The following TRPM4 variants were observed in gnomAD, a reference collection of about 807,000 sequenced individuals.
TRPM4 encodes the protein transient receptor potential cation channel subfamily M member 4.
TRPM4 carries 124 observed loss-of-function variants against 135.6 expected under a neutral mutation model. That is an observed-to-expected ratio of 0.91 (90% CI 0.79 to 1.06). The LOEUF (loss-of-function observed/expected upper bound fraction) is 1.06, where lower values mean the gene tolerates loss of function less well. TRPM4 is among the 50% of genes least tolerant of loss of function. The pLI is 0.00. For synonymous variants in TRPM4, 745 were observed against 705.6 expected (o/e 1.06, Z -0.88); for missense variants, 1,658 against 1,671.4 (o/e 0.99, Z 0.14).
rs116468377 is a variant in TRPM4, at chr19:49,170,540, G to A, written c.797-817G>A. 2.7e-3 allele frequency among the ~76,000 whole-genome samples: 407 copies of A among 152,220 alleles called. 4 individuals are homozygous for A. The highest frequency in any genetic ancestry group is 8.6e-3 in the African/African-American group (358 of 41,546). The stretch of plus-strand genomic sequence containing the variant: ...GTCGATATAGTGCTATCTTTATGGT[G>A]CAATTGGATTTTGGTAAATATCTAT... On this transcript the variant is annotated intron_variant, in intron 6 of 24. Transcript: ENST00000252826.
intron 16 of TRPM4, among the ~76,000 whole-genome samples, chr19:49,191,055 G>A (rs573799361): frequency 1.1e-3 from 164 of 152,256 alleles, no homozygotes; most frequent in Middle Eastern, 3.4e-3. Flanking sequence ...GCAGAAGCAG[G>A]AGTAGGGGTG....
In TRPM4 at chr19:49,196,886, G is replaced by A. The variant is rs752387002; in HGVS notation, c.2645+12G>A. ...GGCGTGGGCTGCCGGTGAGTGCCCC[G>A]GGGCCTTGGAACCCTGGCCCCTGGC... On this transcript the variant is annotated intron_variant, in intron 17 of 24. Coordinates refer to ENST00000252826, the MANE Select transcript of TRPM4 (RefSeq NM_017636.4). 4 of 1,566,982 alleles carry A rather than the reference G, an allele frequency of 2.6e-6. No individual in the cohort carries two copies. Among genetic ancestry groups the A allele is most frequent in the Admixed American group, 3.6e-5 (2 of 55,852 alleles).
intron 9 of TRPM4, among the ~76,000 whole-genome samples, chr19:49,178,985 C>G (rs1045559518): frequency 6.6e-6 from 1 of 151,826 alleles, no homozygotes; most frequent in African/African-American, 2.4e-5. Context: ...GTCTCGATCT[C>G]TTGACCTCAT....
rs1478526246 is a variant in TRPM4 at position 49,196,691 on chromosome 19, C to T, written c.2462C>T (p.Ala821Val). 2 of 1,551,278 alleles carry T rather than the reference C, an allele frequency of 1.3e-6. No individual in the cohort carries two copies. The highest frequency in any genetic ancestry group is 3.8e-5 in the Admixed American group (2 of 52,370). Residue 821 changes from alanine to valine, a missense_variant, in exon 17 of 25, where the codon GCT becomes GTT. Physicochemically the swap from Ala to Val is moderately conservative, Grantham distance 64. Coordinates refer to ENST00000252826, the MANE Select transcript of TRPM4 (RefSeq NM_017636.4). Reference sequence around the variant, plus strand: ...CTGGAGCTGCTGCTCTATTTCTGGGCTTTCACGCTGCTGTGCGAGGAACTG... The same window carrying T: ...CTGGAGCTGCTGCTCTATTTCTGGGTTTTCACGCTGCTGTGCGAGGAACTG... ...GSLELLLYFW[A>V]FTLLCEELRQ...
At position 49,202,080 on chromosome 19, in the gene TRPM4, CTCG is replaced by C; in HGVS notation, c.3073_3075del (p.Val1025del). ...TGCCAACTGGCTGGTGGTGCTGCTC[CTCG>C]TCATCTTCCTGCTCGTGGCCAACAT... On this transcript the variant is annotated inframe_deletion, in exon 20 of 25. Transcript: ENST00000252826. The C allele has an allele frequency of 6.2e-7, 1 of 1,614,122 alleles. No individual in the cohort carries two copies. The highest frequency in any genetic ancestry group is 8.5e-7 in the Non-Finnish European group (1 of 1,180,034).
intron 9 of TRPM4, among the ~76,000 whole-genome samples, chr19:49,180,734 C>T (rs1967885327): frequency 6.6e-6 from 1 of 151,914 alleles, no homozygotes; most frequent in Non-Finnish European, 1.5e-5. Flanking sequence ...TCCCTTTAAT[C>T]GCCCATCCAT....
chr19:49,190,079 C>A, intron 14 of TRPM4, 129 bp from the exon 15 acceptor site: 1 of 813,068 alleles, frequency 1.2e-6, no homozygotes, highest in Non-Finnish European at 2.1e-6. Context: ...GTTTCCCTAC[C>A]TCAATAGTTG....
chr19:49,178,798 G>A lies in TRPM4; in HGVS notation c.1151-2551G>A, dbSNP rs868330519. 6.2e-5 allele frequency among the ~76,000 whole-genome samples: 9 copies of A among 144,624 alleles called. No individual in the cohort carries two copies. The South Asian group carries it at 1.9e-3, about 30-fold the overall frequency. The allele number at this position is 144,624 out of a possible 152,430, so 94.9% of individuals were successfully genotyped here. A position where few individuals can be genotyped will look rare whatever the true frequency, so the allele number is the denominator to read the frequency against. On this transcript the variant is annotated intron_variant, in intron 9 of 24. Coordinates refer to ENST00000252826, the MANE Select transcript of TRPM4 (RefSeq NM_017636.4). ...TTTTGAGATGGAGTCTTGCTCTGTC[G>A]TCCAGGCTGGAGTGCAGTGGCACGA...
At chr19:49,183,934 C>T (rs1292594783) in intron 12 of TRPM4, among the ~76,000 whole-genome samples, 1 of 151,418 alleles carries the variant, frequency 6.6e-6, no homozygotes, top group Non-Finnish European at 1.5e-5. Context: ...CCACCACGCC[C>T]AGCTAATTTT....
intron 17 of TRPM4, among the ~76,000 whole-genome samples, chr19:49,199,567 G>A (rs573934342): frequency 1.4e-3 from 216 of 152,030 alleles, no homozygotes; most frequent in Non-Finnish European, 2.2e-3. Flanking sequence ...CCACCCTCCC[G>A]TTTTTTTAAT....
At chr19:49,158,312 C>T in intron 2 of TRPM4, 53 bp downstream of exon 2, 1 of 1,552,428 alleles carries the variant, frequency 6.4e-7, no homozygotes, top group Non-Finnish European at 8.9e-7. Context: ...CCGCTGACCC[C>T]GCCCGCGGAT....
chr19:49,163,490 G>A (rs367631874), intron 2 of TRPM4, among the ~76,000 whole-genome samples: 4 of 151,780 alleles, frequency 2.6e-5, no homozygotes, highest in East Asian at 1.9e-4. Context: ...CACCATGCCC[G>A]GCCTTATTTC....
intron 16 of TRPM4, among the ~76,000 whole-genome samples, chr19:49,191,041 G>A (rs752925333): frequency 1.3e-5 from 2 of 152,104 alleles, no homozygotes; most frequent in Non-Finnish European, 2.9e-5. Flanking sequence ...ATCACATGGC[G>A]AGAGCAGAAG....
At chr19:49,193,080 G>GGTT (rs544387196) in intron 16 of TRPM4, among the ~76,000 whole-genome samples, 5,419 of 132,682 alleles carry the variant, frequency 0.041, 272 homozygotes, top group African/African-American at 0.11. Context: ...AAATCAGTTG[G>GGTT]TTTTTTTTTT....
At chr19:49,191,234 C>G (rs532159847) in intron 16 of TRPM4, among the ~76,000 whole-genome samples, 1 of 152,132 alleles carries the variant, frequency 6.6e-6, no homozygotes, top group Admixed American at 6.5e-5. Flanking sequence ...GATACGGAGT[C>G]TCCCTCAGTT....
At position 49,171,860 on chromosome 19, in the gene TRPM4, C is replaced by A; in HGVS notation, c.1050+91C>A. On this transcript the variant is annotated intron_variant, in intron 8 of 24. Coordinates refer to ENST00000252826, the MANE Select transcript of TRPM4 (RefSeq NM_017636.4). This position sits in a 1 kb window ranked among gnomAD's most constrained non-coding sequence, Gnocchi z 4.7. Reference sequence around the variant, plus strand: ...GTCTGAGGGAGGAGGGGCTGGGGGCCTGGACTTCCAGGTTCCGGGAGAAGA... The same window carrying A: ...GTCTGAGGGAGGAGGGGCTGGGGGCATGGACTTCCAGGTTCCGGGAGAAGA... 1 of 1,473,444 alleles carries A rather than the reference C, an allele frequency of 6.8e-7. No homozygotes were observed. The highest frequency in any genetic ancestry group is 9.4e-7 in the Non-Finnish European group (1 of 1,066,800). The allele number at this position is 1,473,444 out of a possible 1,614,324, so 91.3% of individuals were successfully genotyped here. A position where few individuals can be genotyped will look rare whatever the true frequency, so the allele number is the denominator to read the frequency against.
chr19:49,190,149 C>T (rs184604962), intron 14 of TRPM4, 59 bp from the exon 15 acceptor site: 97 of 1,423,800 alleles, frequency 6.8e-5, no homozygotes, highest in East Asian at 3.0e-4. Context: ...CCTTGCTGGG[C>T]GTCTTAGGGA....
chr19:49,166,228 TCTGTGGGCGGGGCC>T lies in TRPM4; in HGVS notation c.267+15_267+28del. Reference sequence around the variant, plus strand: ...CAAGCACAGCAATGTGAGGCGGGCCTCTGTGGGCGGGGCCCGGGCACCAGGGGGCTGCATGCTCG... The same window carrying T: ...CAAGCACAGCAATGTGAGGCGGGCCTCGGGCACCAGGGGGCTGCATGCTCG... On this transcript the variant is annotated intron_variant, in intron 3 of 24. Transcript: ENST00000252826. The T allele has an allele frequency of 6.3e-7, 1 of 1,588,946 alleles. No individual in the cohort carries two copies. The highest frequency in any genetic ancestry group is 1.1e-5 in the South Asian group (1 of 87,464).
Position 49,168,038 on chromosome 19 carries a change from T to C in TRPM4, c.389T>C (p.Leu130Pro), listed in dbSNP as rs1450190759. The change falls in exon 4 of 25, where the codon CTC (leucine) becomes CCC (proline). Residue 130 changes from leucine (L) to proline (P), a missense_variant. Physicochemically the swap from Leu to Pro is moderately conservative, Grantham distance 98. This residue lies in a region of TRPM4 where 239 missense variants were observed against 240.1 expected (regional missense o/e 1.00). Transcript: ENST00000252826. ...CTGGGGGGATCGGGGGGCCCCGTCC[T>C]CCAGACCTGGCTGCAGGACCTGCTG... Reference protein sequence around the residue: ...SVLGGSGGPVLQTWLQDLLRR... With the variant: ...SVLGGSGGPVPQTWLQDLLRR... 7 of 1,612,776 alleles carry C rather than the reference T, an allele frequency of 4.3e-6. No individual in the cohort carries two copies. The highest frequency in any genetic ancestry group is 1.3e-5 in the African/African-American group (1 of 74,922).
Sources: gnomAD v4.1 joint callset for allele counts (sites outside exome capture counted in the v4.1 genomes callset) on GRCh38, gnomAD v4.1.1 for gene constraint, gnomAD v4.1.1 regional missense constraint, Gnocchi (gnomAD v3.1) non-coding constraint, MANE v1.5 for transcripts, NCBI Gene and HGNC (gene_info 2026-07-23, HGNC 2026-07-21) for gene names.